Variants in CNTNAP2 observed in about 807,000 individuals in gnomAD.
CNTNAP2 encodes the protein contactin associated protein 2.
Under a neutral mutation model 155.2 loss-of-function variants are expected in CNTNAP2, and 98 were observed. The ratio of observed to expected loss-of-function variants is 0.63; its 90% CI spans 0.54 to 0.75. The LOEUF (loss-of-function observed/expected upper bound fraction) is 0.75, where lower values mean the gene tolerates loss of function less well. Among genes scored for constraint, CNTNAP2 ranks in the 30% least tolerant of loss-of-function variants. The pLI is 0.00. For missense variants in CNTNAP2, 1,727 were observed against 1,688.1 expected, an observed-to-expected ratio of 1.02 and a Z score of -0.40; for synonymous variants, 651 against 631.2, an observed-to-expected ratio of 1.03 and a Z score of -0.47.
intron 3 of CNTNAP2, among the ~76,000 whole-genome samples, chr7:146,985,170 C>T (rs1391431434): frequency 6.6e-6 from 1 of 152,058 alleles, no homozygotes; most frequent in Non-Finnish European, 1.5e-5. Flanking sequence ...TCCTTAATTA[C>T]TCTGTGAAGT....
intron 3 of CNTNAP2, among the ~76,000 whole-genome samples, chr7:146,936,344 G>C (rs1796913573): frequency 6.6e-6 from 1 of 152,092 alleles, no homozygotes; most frequent in South Asian, 2.1e-4. Flanking sequence ...ACGAGGTTTT[G>C]TTTTTCTCCT....
At chr7:147,090,020 C>G (rs1440665469) in intron 4 of CNTNAP2, among the ~76,000 whole-genome samples, 4 of 152,142 alleles carry the variant, frequency 2.6e-5, no homozygotes, top group Admixed American at 6.5e-5. Context: ...ACAGTTTGCT[C>G]TCTTCCTCAC....
In CNTNAP2 at chr7:148,371,817, C is replaced by T. The variant is rs184074877; in HGVS notation, c.3476-11832C>T. ...GCTCCCAGGCTGCAGACATGTGCAGCACGCCACTGCACTCAATACTGTAGG... is the reference window on the plus strand; with the variant it reads ...GCTCCCAGGCTGCAGACATGTGCAGTACGCCACTGCACTCAATACTGTAGG... On this transcript the variant is annotated intron_variant, in intron 21 of 23. Coordinates refer to ENST00000361727, the MANE Select transcript of CNTNAP2 (RefSeq NM_014141.6). Among the ~76,000 whole-genome samples, 3 of 152,332 alleles carry T rather than the reference C, an allele frequency of 2.0e-5. No homozygotes were observed. The East Asian group carries it at 5.8e-4, about 29-fold the overall frequency.
intron 10 of CNTNAP2, among the ~76,000 whole-genome samples, chr7:147,450,964 C>T (rs1232093854): frequency 6.6e-6 from 1 of 152,172 alleles, no homozygotes; most frequent in Non-Finnish European, 1.5e-5. Context: ...GAAACAACTC[C>T]ACATTAAATC....
At chr7:146,400,934 T>G (rs1584907746) in intron 1 of CNTNAP2, among the ~76,000 whole-genome samples, 1 of 152,186 alleles carries the variant, frequency 6.6e-6, no homozygotes, top group East Asian at 1.9e-4. Flanking sequence ...ACTGAGAATC[T>G]TTTTTGGAAC....
At chr7:146,144,764 T>C (rs1797933618) in intron 1 of CNTNAP2, among the ~76,000 whole-genome samples, 1 of 152,238 alleles carries the variant, frequency 6.6e-6, no homozygotes, top group African/African-American at 2.4e-5. Flanking sequence ...TTCCTGCCTC[T>C]CTAAATCCCA....
At chr7:147,422,367 C>T (rs184923911) in intron 10 of CNTNAP2, among the ~76,000 whole-genome samples, 176 of 151,006 alleles carry the variant, frequency 1.2e-3, no homozygotes, top group Non-Finnish European at 1.8e-3. Context: ...TGTATATATA[C>T]GGTATATACA....
chr7:147,959,286 C>T (rs1461054554), intron 14 of CNTNAP2, among the ~76,000 whole-genome samples: 1 of 151,858 alleles, frequency 6.6e-6, no homozygotes, highest in Non-Finnish European at 1.5e-5. Context: ...TCCCTTATTC[C>T]AGCTCCTGCT....
At chr7:146,945,921 C>CGTTGTG (rs1472650301) in intron 3 of CNTNAP2, among the ~76,000 whole-genome samples, 1 of 152,072 alleles carries the variant, frequency 6.6e-6, no homozygotes, top group Non-Finnish European at 1.5e-5. Context: ...ACTACTTCGC[C>CGTTGTG]GTTGTGCTAA....
chr7:147,045,007 T>C (rs563579068), intron 4 of CNTNAP2, among the ~76,000 whole-genome samples: 1 of 152,316 alleles, frequency 6.6e-6, no homozygotes, highest in African/African-American at 2.4e-5. Flanking sequence ...TGTTTCTTTA[T>C]GAGACTGCTA....
rs186415104 is a variant in CNTNAP2 at position 148,254,435 on chromosome 7, C to T, written c.3382-12598C>T. ...TCAATCATATTTGTCATATCTCCAT[C>T]GTTTCTCATAATAATTCTCAAAGTT... is the stretch of plus-strand genomic sequence containing the variant. On this transcript the variant is annotated intron_variant, in intron 20 of 23. Coordinates refer to ENST00000361727, the MANE Select transcript of CNTNAP2 (RefSeq NM_014141.6). Among the ~76,000 whole-genome samples the T allele has an allele frequency of 9.9e-5, 15 of 152,234 alleles. No individual in the cohort carries two copies. In the East Asian group the frequency reaches 2.9e-3, roughly 29 times the overall value.
At chr7:148,406,352 A>G (rs1799705181) in intron 22 of CNTNAP2, among the ~76,000 whole-genome samples, 2 of 152,354 alleles carry the variant, frequency 1.3e-5, no homozygotes, top group South Asian at 4.1e-4. Context: ...TCACTCACAA[A>G]GTATCCAAAT....
chr7:148,365,419 C>T (rs879296909), intron 21 of CNTNAP2, among the ~76,000 whole-genome samples: 1 of 152,136 alleles, frequency 6.6e-6, no homozygotes, highest in Non-Finnish European at 1.5e-5. Flanking sequence ...AATCCCAGCA[C>T]TTTGGGAGAC....
intron 14 of CNTNAP2, among the ~76,000 whole-genome samples, chr7:147,966,216 A>C (rs1022536276): frequency 6.6e-6 from 1 of 152,200 alleles, no homozygotes; most frequent in Non-Finnish European, 1.5e-5. Context: ...TGGTTTAAAA[A>C]ATAATGCTTT....
At chr7:147,854,993 G>A (rs1482652726) in intron 13 of CNTNAP2, among the ~76,000 whole-genome samples, 1 of 152,160 alleles carries the variant, frequency 6.6e-6, no homozygotes, top group African/African-American at 2.4e-5. Flanking sequence ...CATGTTGAAA[G>A]AATTGTATTT....
intron 1 of CNTNAP2, among the ~76,000 whole-genome samples, chr7:146,199,902 C>T (rs1360423317): frequency 4.6e-5 from 7 of 152,276 alleles, no homozygotes; most frequent in Admixed American, 4.6e-4. Flanking sequence ...AACAGTCTTT[C>T]TCCCTTGCCC....
chr7:147,654,808 CTTTT>C (rs1186575442), intron 13 of CNTNAP2, among the ~76,000 whole-genome samples: 3 of 97,342 alleles, frequency 3.1e-5, no homozygotes, highest in African/African-American at 1.3e-4. Context: ...AAATATATTT[CTTTT>C]TTTTTTTTTT....
intron 1 of CNTNAP2, among the ~76,000 whole-genome samples, chr7:146,407,451 T>TGGGGGGGGGGGG (rs1795808417): frequency 6.6e-6 from 1 of 152,182 alleles, no homozygotes; most frequent in African/African-American, 2.4e-5. Flanking sequence ...ATCTTAAGAC[T>TGGGGGGGGGGGG]GGACACATTA....
chr7:147,596,066 A>ATATCT (rs1800822360), intron 12 of CNTNAP2, among the ~76,000 whole-genome samples: 2 of 152,112 alleles, frequency 1.3e-5, no homozygotes, highest in African/African-American at 4.8e-5. Flanking sequence ...CCAGATGTTT[A>ATATCT]TATCTTGTTG....
Sources: allele counts gnomAD v4.1 joint callset (sites outside exome capture counted in the v4.1 genomes callset), GRCh38; gene constraint gnomAD v4.1.1; transcripts MANE v1.5; gene names NCBI Gene and HGNC (gene_info 2026-07-23, HGNC 2026-07-21).